Variants in DHCR24 observed in about 807,000 individuals in gnomAD.
DHCR24 encodes delta(24)-sterol reductase.
A neutral mutation model predicts 61.2 loss-of-function variants in DHCR24; 28 were observed. The ratio of observed to expected loss-of-function variants is 0.46; its 90% CI spans 0.34 to 0.63. The LOEUF (loss-of-function observed/expected upper bound fraction) is 0.63, where lower values mean the gene tolerates loss of function less well. DHCR24 is among the 20% of genes least tolerant of loss of function. DHCR24 has a pLI of 0.01. For synonymous variants in DHCR24, 261 were observed against 275.9 expected, an observed-to-expected ratio of 0.95 and a Z score of 0.54; for missense variants, 538 against 679.1, an observed-to-expected ratio of 0.79 and a Z score of 2.31.
chr1:54,857,875 C>G (rs1557430906), intron 6 of DHCR24, among the ~76,000 whole-genome samples: 1 of 152,178 alleles, frequency 6.6e-6, no homozygotes, highest in Non-Finnish European at 1.5e-5. Context: ...AGTGACTGGA[C>G]CAGCCAGGCC....
Position 54,850,446 on chromosome 1 carries a change from A to G in DHCR24, c.*1787T>C, listed in dbSNP as rs1274752977. The G allele has an allele frequency of 1.3e-5, 2 of 152,220 alleles. No individual in the cohort carries two copies. Among genetic ancestry groups the G allele is most frequent in the Non-Finnish European group, 2.9e-5 (2 of 68,056 alleles). 9.4% of individuals were successfully genotyped at this position (152,220 alleles called of 1,614,324 possible). A position where few individuals can be genotyped will look rare whatever the true frequency, so the allele number is the denominator to read the frequency against. ...TGCCCCCTCCAGAGGCCAAATGGGT[A>G]GGGTGGTTCCTTTGCCTTCTGAGTG... On this transcript the variant is annotated 3_prime_UTR_variant, in exon 9 of 9. Transcript: ENST00000371269.
intron 5 of DHCR24, among the ~76,000 whole-genome samples, chr1:54,870,810 A>G (rs1348390530): frequency 6.6e-6 from 1 of 152,062 alleles, no homozygotes; most frequent in African/African-American, 2.4e-5. Flanking sequence ...TTTCCTTTTT[A>G]CTTGTTTGTA....
chr1:54,872,442 T>C (rs57809539), intron 4 of DHCR24, among the ~76,000 whole-genome samples: 1 of 152,210 alleles, frequency 6.6e-6, no homozygotes, highest in African/African-American at 2.4e-5. Context: ...GACAGCCCTG[T>C]GCAGTCTCCA....
intron 6 of DHCR24, 27 bp from the exon 7 acceptor site, chr1:54,854,261 A>G: frequency 6.3e-7 from 1 of 1,597,744 alleles, no homozygotes; most frequent in Non-Finnish European, 8.5e-7. Flanking sequence ...AGGGTTGGAG[A>G]GAAAAAAACC....
rs574855375 is a variant in DHCR24, at chr1:54,867,008, C to T, written c.877-1562G>A. Among the ~76,000 whole-genome samples the T allele has an allele frequency of 5.9e-5, 9 of 152,166 alleles. 1 individual carries two copies. The highest frequency in any genetic ancestry group is 1.2e-4 in the Non-Finnish European group (8 of 68,020). ...TGCATAATGAAAGTGAGACTTAGGG[C>T]CACCTGGATACAGGCGCTCCTGGTG... On this transcript the variant is annotated intron_variant, in intron 5 of 8. Coordinates refer to ENST00000371269, the MANE Select transcript of DHCR24 (RefSeq NM_014762.4).
At chr1:54,885,143 C>A (rs1034359547) in intron 1 of DHCR24, among the ~76,000 whole-genome samples, 2 of 152,176 alleles carry the variant, frequency 1.3e-5, no homozygotes, top group African/African-American at 4.8e-5. Flanking sequence ...AGGCAAACAG[C>A]TCAACACGGG....
At chr1:54,886,100 C>T (rs147311883) in intron 1 of DHCR24, among the ~76,000 whole-genome samples, 1 of 152,300 alleles carries the variant, frequency 6.6e-6, no homozygotes, top group East Asian at 1.9e-4. Context: ...AAGCTCTCTG[C>T]AACCTGATGC....
rs542664263 is a variant in DHCR24, at chr1:54,853,391, G to A, written c.1397+43C>T. 4 of 1,612,780 alleles carry A rather than the reference G, an allele frequency of 2.5e-6. No homozygotes were observed. The East Asian group carries it at 6.7e-5, about 27-fold the overall frequency. On this transcript the variant is annotated intron_variant, in intron 8 of 8. Transcript: ENST00000371269. ...TCATTCCCCTGGAGCAGTACCCTGG[G>A]GCTGTCAGCTAGAGGCAACATACTA...
At chr1:54,881,038 T>C (rs1647061551) in intron 2 of DHCR24, among the ~76,000 whole-genome samples, 1 of 152,088 alleles carries the variant, frequency 6.6e-6, no homozygotes, top group Non-Finnish European at 1.5e-5. Flanking sequence ...TACTCCCAGC[T>C]ACCCAGGAGG....
intron 5 of DHCR24, 109 bp downstream of exon 5, chr1:54,871,238 GGCA>G: frequency 7.2e-7 from 1 of 1,386,670 alleles, no homozygotes; most frequent in Non-Finnish European, 1.0e-6. Flanking sequence ...GGTTGACCCA[GGCA>G]GCAGCCTTGA....
chr1:54,870,135 T>C (rs184282808), intron 5 of DHCR24, among the ~76,000 whole-genome samples: 103 of 151,952 alleles, frequency 6.8e-4, no homozygotes, highest in African/African-American at 2.0e-3. Context: ...GGCAGGAGGA[T>C]TGCTTGAGCC....
chr1:54,869,937 C>G (rs1646988679), intron 5 of DHCR24, among the ~76,000 whole-genome samples: 1 of 151,942 alleles, frequency 6.6e-6, no homozygotes, highest in African/African-American at 2.4e-5. Context: ...TGCCTGTAAT[C>G]CCAGCTACTT....
intron 2 of DHCR24, 96 bp from the exon 3 acceptor site, chr1:54,876,143 A>G (rs1044747026): frequency 1.8e-5 from 16 of 885,960 alleles, no homozygotes; most frequent in Non-Finnish European, 3.0e-5. Context: ...AACCTTCCCA[A>G]ACACTCACTG....
intron 2 of DHCR24, among the ~76,000 whole-genome samples, chr1:54,877,385 G>A (rs1381726456): frequency 1.3e-5 from 2 of 151,262 alleles, no homozygotes; most frequent in Non-Finnish European, 2.9e-5. Context: ...TAGCCGAAGT[G>A]GAATAACAGG....
chr1:54,862,291 T>C (rs531965351), intron 6 of DHCR24, among the ~76,000 whole-genome samples: 2 of 152,320 alleles, frequency 1.3e-5, no homozygotes, highest in Non-Finnish European at 2.9e-5. Context: ...AGGTTTGTTT[T>C]CACTGTGTCC....
At chr1:54,886,538 A>G (rs1647097545) in intron 1 of DHCR24, 3 of 1,227,240 alleles carry the variant, frequency 2.4e-6, no homozygotes, top group Non-Finnish European at 3.3e-6. Flanking sequence ...ATCATTTCCC[A>G]TACTTCCCAA....
chr1:54,875,094 G>A lies in DHCR24; in HGVS notation c.611C>T (p.Pro204Leu), dbSNP rs767344296. Residue 204 changes from proline to leucine, a missense_variant and splice_region_variant, in exon 4 of 9, where the codon CCG (proline) becomes CTG (leucine). Transcript: ENST00000371269. ...GACATCTCCCATTGCTGAACTCACC[G>A]GAGTGCATCGCACAAAGCTGCCATC... is the stretch of plus-strand genomic sequence containing the variant. ...LADGSFVRCT[P>L]SENSDLFYAV... 1.1e-5 allele frequency: 18 copies of A among 1,613,406 alleles called. No individual in the cohort carries two copies. Among genetic ancestry groups the A allele is most frequent in the African/African-American group, 5.3e-5 (4 of 74,904 alleles).
chr1:54,853,542 T>A lies in DHCR24; in HGVS notation c.1289A>T (p.Glu430Val). 1 of 1,614,176 alleles carries A rather than the reference T, an allele frequency of 6.2e-7. No homozygotes were observed. Among genetic ancestry groups the A allele is most frequent in the Non-Finnish European group, 8.5e-7 (1 of 1,180,016 alleles). The part of the protein sequence containing the change: ...QPGLVHPKGN[E>V]AELYIDIGAY... ...TCCAATGTCGATGTAGAGCTCTGCCTCATTTCCTTTGGGGTGCACTAGGCC... is the reference window on the plus strand; with the variant it reads ...TCCAATGTCGATGTAGAGCTCTGCCACATTTCCTTTGGGGTGCACTAGGCC... Residue 430 changes from glutamate (E) to valine (V), a missense_variant, in exon 8 of 9, where the codon GAG becomes GTG. By Grantham distance (121) the Glu-to-Val change is moderately radical. Transcript: ENST00000371269.
chr1:54,856,596 C>T (rs749161934), intron 6 of DHCR24, among the ~76,000 whole-genome samples: 4 of 150,608 alleles, frequency 2.7e-5, no homozygotes, highest in Admixed American at 6.6e-5. Flanking sequence ...AGGGAGACTC[C>T]GTCTCAAAAA....
Sources: allele counts gnomAD v4.1 joint callset (sites outside exome capture counted in the v4.1 genomes callset), GRCh38; gene constraint gnomAD v4.1.1; transcripts MANE v1.5; gene names NCBI Gene and HGNC (gene_info 2026-07-23, HGNC 2026-07-21).